Variants in POU6F2 observed in about 807,000 individuals in gnomAD.
POU6F2 encodes the protein POU domain, class 6, transcription factor 2.
A neutral mutation model predicts 71.3 loss-of-function variants in POU6F2; 31 were observed. The observed-to-expected ratio is 0.43, with a 90% confidence interval of 0.33 to 0.59. The LOEUF is 0.59. Among genes scored for constraint, POU6F2 ranks in the 20% least tolerant of loss-of-function variants. The pLI is 0.04. For missense variants in POU6F2, 783 were observed against 856.8 expected, an observed-to-expected ratio of 0.91 and a Z score of 1.07; for synonymous variants, 347 against 355.7, an observed-to-expected ratio of 0.98 and a Z score of 0.27.
intron 1 of POU6F2, among the ~76,000 whole-genome samples, chr7:39,024,160 T>C (rs1011175747): frequency 2.6e-5 from 4 of 152,158 alleles, no homozygotes; most frequent in African/African-American, 7.2e-5. Flanking sequence ...CTCCATTTGT[T>C]TGTATCCTCT....
At chr7:39,416,962 C>A (rs1444746471) in intron 6 of POU6F2, among the ~76,000 whole-genome samples, 1 of 152,050 alleles carries the variant, frequency 6.6e-6, no homozygotes, top group Admixed American at 6.6e-5. Context: ...TAGTATTTAA[C>A]AAAAAGTCAG....
At chr7:39,178,611 C>G (rs923752320) in intron 2 of POU6F2, among the ~76,000 whole-genome samples, 10 of 152,202 alleles carry the variant, frequency 6.6e-5, no homozygotes, top group African/African-American at 2.2e-4. Flanking sequence ...GTCTACAAAC[C>G]TTGTGATCTT....
At chr7:39,051,013 G>A (rs1418696932) in intron 1 of POU6F2, among the ~76,000 whole-genome samples, 1 of 151,640 alleles carries the variant, frequency 6.6e-6, no homozygotes, top group Non-Finnish European at 1.5e-5. Flanking sequence ...CTCTTTTTTT[G>A]TTTCCCCATA....
chr7:39,409,412 T>C (rs903008905), intron 6 of POU6F2, among the ~76,000 whole-genome samples: 1 of 152,230 alleles, frequency 6.6e-6, no homozygotes, highest in African/African-American at 2.4e-5. Context: ...CTAGATTCTT[T>C]TGGCTACCCG....
At chr7:39,075,558 CTCT>C (rs780613417) in intron 1 of POU6F2, among the ~76,000 whole-genome samples, 4 of 152,202 alleles carry the variant, frequency 2.6e-5, no homozygotes, top group South Asian at 2.1e-4. Flanking sequence ...TTAAATAAAT[CTCT>C]TCTTCTTCTA....
At chr7:39,412,955 C>T (rs374330792) in intron 6 of POU6F2, among the ~76,000 whole-genome samples, 1 of 150,780 alleles carries the variant, frequency 6.6e-6, no homozygotes, top group African/African-American at 2.4e-5. Flanking sequence ...TGCCTGCCAC[C>T]ACGCCTGGCT....
intron 2 of POU6F2, among the ~76,000 whole-genome samples, chr7:39,175,406 T>C (rs890465170): frequency 3.9e-5 from 6 of 152,058 alleles, no homozygotes; most frequent in Non-Finnish European, 8.8e-5. Context: ...GAAAAAGAGG[T>C]ACTACTAGTA....
At chr7:39,072,458 A>G (rs1391979385) in intron 1 of POU6F2, among the ~76,000 whole-genome samples, 4 of 152,156 alleles carry the variant, frequency 2.6e-5, no homozygotes, top group African/African-American at 4.8e-5. Context: ...CCCTAAACCC[A>G]CTTAACAGAG....
intron 4 of POU6F2, among the ~76,000 whole-genome samples, chr7:39,257,166 G>T (rs1287742623): frequency 6.6e-6 from 1 of 152,170 alleles, no homozygotes; most frequent in Non-Finnish European, 1.5e-5. Context: ...AAATAGTGCA[G>T]ATACAAAGGA....
At chr7:39,103,015 G>T (rs532766135) in intron 2 of POU6F2, among the ~76,000 whole-genome samples, 1 of 144,472 alleles carries the variant, frequency 6.9e-6, no homozygotes, top group Non-Finnish European at 1.5e-5. Flanking sequence ...GGTGTAAACT[G>T]TATATATCAA....
intron 2 of POU6F2, 56 bp from the exon 3 acceptor site, chr7:39,204,179 C>A (rs1473363188): frequency 2.4e-5 from 35 of 1,439,980 alleles, no homozygotes; most frequent in Non-Finnish European, 3.3e-5. Context: ...TGTTATGTGA[C>A]ATCAGTTCCC....
chr7:38,996,035 CTTTTTTTTTT>C (rs5883669), intron 1 of POU6F2, among the ~76,000 whole-genome samples: 5 of 85,386 alleles, frequency 5.9e-5, no homozygotes, highest in Non-Finnish European at 1.1e-4. Context: ...AGGGGCTTGG[CTTTTTTTTTT>C]TTTTTTTTTT....
chr7:39,092,863 C>G (rs761294721), intron 2 of POU6F2, among the ~76,000 whole-genome samples: 1 of 152,102 alleles, frequency 6.6e-6, no homozygotes, highest in African/African-American at 2.4e-5. Flanking sequence ...TCTCTTGAGG[C>G]TAAAGAAAGT....
At chr7:39,439,246 G>A (rs1022882444) in intron 7 of POU6F2, among the ~76,000 whole-genome samples, 4 of 150,994 alleles carry the variant, frequency 2.6e-5, no homozygotes, top group African/African-American at 2.4e-5. Flanking sequence ...TTGAGCCTAC[G>A]TGTGTCTTTG....
At chr7:39,223,717 T>A (rs1258667294) in intron 4 of POU6F2, among the ~76,000 whole-genome samples, 3 of 152,180 alleles carry the variant, frequency 2.0e-5, no homozygotes. Context: ...ATTGCCTTAT[T>A]TTCTGCTTTG....
At chr7:39,459,120 C>G (rs1345271359) in intron 8 of POU6F2, among the ~76,000 whole-genome samples, 1 of 152,216 alleles carries the variant, frequency 6.6e-6, no homozygotes, top group Non-Finnish European at 1.5e-5. Context: ...AACTGCCCCT[C>G]CCTCCATTCC....
At chr7:39,122,055 C>T (rs974263612) in intron 2 of POU6F2, among the ~76,000 whole-genome samples, 13 of 152,252 alleles carry the variant, frequency 8.5e-5, no homozygotes, top group Middle Eastern at 3.4e-3. Flanking sequence ...TGATAATATA[C>T]CCAGAGCAAG....
chr7:39,029,566 C>T (rs1280830628), intron 1 of POU6F2, among the ~76,000 whole-genome samples: 1 of 151,818 alleles, frequency 6.6e-6, no homozygotes, highest in Non-Finnish European at 1.5e-5. Context: ...ACCCTAAAAG[C>T]CCTGACTTCA....
At chr7:39,031,709 C>T (rs904298666) in intron 1 of POU6F2, among the ~76,000 whole-genome samples, 2 of 151,930 alleles carry the variant, frequency 1.3e-5, no homozygotes, top group East Asian at 3.9e-4. Flanking sequence ...GGCAAAACCC[C>T]GTCTCTAATA....
Sources: allele counts gnomAD v4.1 joint callset (sites outside exome capture counted in the v4.1 genomes callset), GRCh38; gene constraint gnomAD v4.1.1; transcripts MANE v1.5; gene names NCBI Gene and HGNC (gene_info 2026-07-23, HGNC 2026-07-21).